Variants in FUT9 observed in about 807,000 individuals in gnomAD.
The protein encoded by FUT9 is fucosyltransferase 9, also known as 4-galactosyl-N-acetylglucosaminide 3-alpha-L-fucosyltransferase 9.
A neutral mutation model predicts 29.7 loss-of-function variants in FUT9; 15 were observed. That is an observed-to-expected ratio of 0.51 (90% CI 0.34 to 0.78). FUT9 has a LOEUF of 0.78. FUT9 is among the 30% of genes least tolerant of loss of function. FUT9 has a pLI of 0.01. For synonymous variants in FUT9, 169 were observed against 153.7 expected (o/e 1.10, Z -0.74); for missense variants, 319 against 425.4 (o/e 0.75, Z 2.20).
intron 2 of FUT9, among the ~76,000 whole-genome samples, chr6:96,161,266 C>T (rs11156250): frequency 0.12 from 18,532 of 152,054 alleles, 1,437 homozygotes; most frequent in Non-Finnish European, 0.18. Context: ...GATAAGTGCC[C>T]TTATAAAATA....
rs896184552 is a variant in FUT9, at chr6:96,060,636, A to G, written c.-98+44424A>G. Among the ~76,000 whole-genome samples the G allele has an allele frequency of 5.3e-5, 8 of 152,006 alleles. No homozygotes were observed. The South Asian group carries it at 1.0e-3, about 20-fold the overall frequency. ...ACTGCAACCTCTGCCTCCCAGGCTC[A>G]AGCAATTCTCCTGCCTCAGCCTCCC... On this transcript the variant is annotated intron_variant, in intron 1 of 2. Coordinates refer to ENST00000302103, the MANE Select transcript of FUT9 (RefSeq NM_006581.4).
At chr6:96,092,633 GCATATGT>G (rs1465904237) in intron 1 of FUT9, among the ~76,000 whole-genome samples, 3 of 152,032 alleles carry the variant, frequency 2.0e-5, no homozygotes, top group African/African-American at 7.2e-5. Flanking sequence ...TCGAGACTTT[GCATATGT>G]CATTTCCTCT....
chr6:96,096,387 A>G (rs1186176138), intron 1 of FUT9, among the ~76,000 whole-genome samples: 2 of 152,156 alleles, frequency 1.3e-5, no homozygotes, highest in South Asian at 4.1e-4. Flanking sequence ...TATATTCAAC[A>G]TAGCAGAGTG....
chr6:96,106,105 TA>T (rs1343320466), intron 1 of FUT9, among the ~76,000 whole-genome samples: 1 of 113,102 alleles, frequency 8.8e-6, no homozygotes, highest in Non-Finnish European at 2.1e-5. Flanking sequence ...TGCCTCTTAC[TA>T]CCCCTAGAGT....
At chr6:96,175,622 T>C (rs1434945067) in intron 2 of FUT9, among the ~76,000 whole-genome samples, 1 of 152,216 alleles carries the variant, frequency 6.6e-6, no homozygotes, top group East Asian at 1.9e-4. Context: ...TTAAAACTAC[T>C]CTGCCCTTCT....
chr6:96,094,504 T>C (rs1771463187), intron 1 of FUT9, among the ~76,000 whole-genome samples: 1 of 152,130 alleles, frequency 6.6e-6, no homozygotes, highest in Admixed American at 6.6e-5. Context: ...CAACCTATGA[T>C]GAGAATGACT....
At chr6:96,101,897 G>A (rs1771592538) in intron 1 of FUT9, among the ~76,000 whole-genome samples, 1 of 150,510 alleles carries the variant, frequency 6.6e-6, no homozygotes, top group Admixed American at 6.6e-5. Flanking sequence ...CCTGGTCAAT[G>A]TCACCAGGAA....
chr6:96,112,389 A>G (rs927952573), intron 1 of FUT9, among the ~76,000 whole-genome samples: 1 of 152,238 alleles, frequency 6.6e-6, no homozygotes, highest in African/African-American at 2.4e-5. Context: ...CAATTAGGTG[A>G]TATTTGACTT....
intron 1 of FUT9, among the ~76,000 whole-genome samples, chr6:96,032,029 T>A (rs1026344928): frequency 9.2e-5 from 14 of 151,660 alleles, no homozygotes; most frequent in African/African-American, 3.4e-4. Context: ...CAAGACTGCA[T>A]TATTCTCACC....
chr6:96,118,241 A>T (rs1433969578), intron 2 of FUT9, among the ~76,000 whole-genome samples: 1 of 151,934 alleles, frequency 6.6e-6, no homozygotes, highest in Non-Finnish European at 1.5e-5. Context: ...TGGACTGGGA[A>T]ATCATTATTG....
intron 1 of FUT9, among the ~76,000 whole-genome samples, chr6:96,099,171 G>A (rs919806650): frequency 6.6e-6 from 1 of 151,832 alleles, no homozygotes; most frequent in Non-Finnish European, 1.5e-5. Flanking sequence ...ATTTTCTCTG[G>A]ACTTATTCTA....
rs202028176 is a variant in FUT9 at position 96,203,114 on chromosome 6, G to A, written c.-8-34G>A. 9.1e-5 allele frequency: 136 copies of A among 1,493,124 alleles called. 1 individual carries two copies. In the South Asian group the frequency reaches 1.1e-3, roughly 12 times the overall value. 92.5% of individuals were successfully genotyped at this position (1,493,124 alleles called of 1,614,324 possible). ...TTATGATTTTCTCTTCATTCCCACCGCTACCTCCCCTTCTGTCTTTCTCTA... is the reference window on the plus strand; with the variant it reads ...TTATGATTTTCTCTTCATTCCCACCACTACCTCCCCTTCTGTCTTTCTCTA... On this transcript the variant is annotated intron_variant, in intron 2 of 2. Coordinates refer to ENST00000302103, the MANE Select transcript of FUT9 (RefSeq NM_006581.4).
In FUT9 at chr6:96,204,577, T is replaced by G; in HGVS notation, c.*342T>G. 1 of 174,864 alleles carries G rather than the reference T, an allele frequency of 5.7e-6. No homozygotes were observed. The highest frequency in any genetic ancestry group is 6.4e-5 in the Admixed American group (1 of 15,564). 10.8% of individuals were successfully genotyped at this position (174,864 alleles called of 1,614,324 possible). ...CACACTGATCAGCTGTTTAATCTATTTGGGAAATGAAGATGCACATCTTAA... is the reference window on the plus strand; with the variant it reads ...CACACTGATCAGCTGTTTAATCTATGTGGGAAATGAAGATGCACATCTTAA... On this transcript the variant is annotated 3_prime_UTR_variant, in exon 3 of 3. Transcript: ENST00000302103.
chr6:96,090,813 C>G (rs1295494054), intron 1 of FUT9, among the ~76,000 whole-genome samples: 3 of 151,554 alleles, frequency 2.0e-5, no homozygotes, highest in Non-Finnish European at 4.4e-5. Context: ...ATTTAAACAC[C>G]TAAAGTAAAA....
chr6:96,118,898 A>T (rs561916502), intron 2 of FUT9, among the ~76,000 whole-genome samples: 1 of 152,260 alleles, frequency 6.6e-6, no homozygotes, highest in African/African-American at 2.4e-5. Flanking sequence ...AAAAATATTT[A>T]AAAATAGGAA....
At chr6:96,102,648 A>T (rs9390851) in intron 1 of FUT9, among the ~76,000 whole-genome samples, 139,017 of 152,156 alleles carry the variant, frequency 0.91, 64,523 homozygotes, top group East Asian at 1. Flanking sequence ...ACTTTACTTA[A>T]AATCACATAT....
At chr6:96,135,319 T>G (rs1772326923) in intron 2 of FUT9, among the ~76,000 whole-genome samples, 1 of 151,952 alleles carries the variant, frequency 6.6e-6, no homozygotes, top group Admixed American at 6.6e-5. Flanking sequence ...AGGTATTTCT[T>G]TAGTTACTGC....
chr6:96,174,102 A>C (rs1406196520), intron 2 of FUT9, among the ~76,000 whole-genome samples: 2 of 152,086 alleles, frequency 1.3e-5, no homozygotes, highest in Non-Finnish European at 1.5e-5. Flanking sequence ...TAATTCCTTC[A>C]TGGGTTTTGC....
In FUT9 at chr6:96,214,217, T is replaced by C. The variant is rs1347063051; in HGVS notation, c.*9982T>C. 2 of 166,838 alleles carry C rather than the reference T, an allele frequency of 1.2e-5. No homozygotes were observed. The highest frequency in any genetic ancestry group is 2.1e-4 in the South Asian group (1 of 4,836). The allele number at this position is 166,838 out of a possible 1,614,324, so 10.3% of individuals were successfully genotyped here. On this transcript the variant is annotated 3_prime_UTR_variant, in exon 3 of 3. Coordinates refer to ENST00000302103, the MANE Select transcript of FUT9 (RefSeq NM_006581.4). ...TATAACAACTTAATAGTACAAAGCA[T>C]GAAGATGTGAAAATATCATCTTAAC...
Sources: allele counts gnomAD v4.1 joint callset (sites outside exome capture counted in the v4.1 genomes callset), GRCh38; gene constraint gnomAD v4.1.1; transcripts MANE v1.5; gene names NCBI Gene and HGNC (gene_info 2026-07-23, HGNC 2026-07-21).